The following UVRAG variants were observed in gnomAD, a reference collection of about 807,000 sequenced individuals.
The protein encoded by UVRAG is UV radiation resistance-associated gene protein.
UVRAG carries 19 observed loss-of-function variants against 78.0 expected under a neutral mutation model. That is an observed-to-expected ratio of 0.24 (90% CI 0.17 to 0.36). The LOEUF is 0.36. UVRAG is among the 10% of genes least tolerant of loss of function. UVRAG has a pLI of 1.00. For synonymous variants in UVRAG, 323 were observed against 324.6 expected (o/e 1.00, Z 0.05); for missense variants, 740 against 853.8 (o/e 0.87, Z 1.66).
chr11:75,912,150 T>G, intron 6 of UVRAG, 111 bp downstream of exon 6: 1 of 718,136 alleles, frequency 1.4e-6, no homozygotes, highest in Non-Finnish European at 2.4e-6. Flanking sequence ...TTATTCAAGC[T>G]TAGCATTTTT....
intron 1 of UVRAG, 73 bp from the exon 2 acceptor site, chr11:75,851,810 G>C: frequency 3.5e-6 from 4 of 1,153,550 alleles, no homozygotes; most frequent in Non-Finnish European, 5.1e-6. Context: ...TTTCATTTTT[G>C]AACTGCAACT....
chr11:75,865,398 A>G (rs914644043), intron 3 of UVRAG, among the ~76,000 whole-genome samples: 2 of 152,022 alleles, frequency 1.3e-5, no homozygotes, highest in Admixed American at 6.5e-5. Flanking sequence ...AATACTCCAG[A>G]TCACCTGTCC....
intron 6 of UVRAG, among the ~76,000 whole-genome samples, chr11:75,920,171 A>G (rs1947950186): frequency 6.6e-6 from 1 of 151,450 alleles, no homozygotes; most frequent in Non-Finnish European, 1.5e-5. Context: ...GACTACAGGC[A>G]CGTGCCACCA....
chr11:75,977,282 C>T (rs1455779341), intron 7 of UVRAG, among the ~76,000 whole-genome samples: 1 of 152,208 alleles, frequency 6.6e-6, no homozygotes, highest in African/African-American at 2.4e-5. Flanking sequence ...GAGGGCTTTA[C>T]TTCCAACTAT....
intron 3 of UVRAG, among the ~76,000 whole-genome samples, chr11:75,875,700 C>G (rs910985198): frequency 4.0e-5 from 6 of 150,882 alleles, no homozygotes; most frequent in Non-Finnish European, 7.4e-5. Context: ...CTCCTCTCAT[C>G]TGTCATGGCA....
chr11:75,820,851 A>T (rs58743594), intron 1 of UVRAG, among the ~76,000 whole-genome samples: 25,775 of 152,050 alleles, frequency 0.17, 3,138 homozygotes, highest in African/African-American at 0.34. Flanking sequence ...TGCTTGAGGC[A>T]GGAGGATTGA....
At chr11:75,887,507 G>T (rs956916521) in intron 4 of UVRAG, among the ~76,000 whole-genome samples, 5 of 147,920 alleles carry the variant, frequency 3.4e-5, no homozygotes, top group African/African-American at 1.3e-4. Context: ...GAGTGCAGTG[G>T]CACAATCTCG....
At chr11:76,119,667 C>T (rs896518881) in intron 14 of UVRAG, among the ~76,000 whole-genome samples, 2 of 152,210 alleles carry the variant, frequency 1.3e-5, no homozygotes, top group African/African-American at 4.8e-5. Flanking sequence ...TCAGCAAGCC[C>T]TGTCATCACT....
rs775295078 is a variant in UVRAG, at chr11:76,007,611, C to G, written c.989C>G (p.Pro330Arg). The change falls in exon 10 of 15, where the codon CCT becomes CGT. Residue 330 changes from proline (P) to arginine (R), a missense_variant. By Grantham distance (103) the Pro-to-Arg change is moderately radical (BLOSUM62 -2). Transcript: ENST00000356136. The stretch of plus-strand genomic sequence containing the variant: ...CTCTCTGAGCTTTCCTACATTTACC[C>G]TATTGATTTGGTAAGTTTCAAATTT... ...QLLSELSYIY[P>R]IDLNEHKDYF... 2 of 1,613,040 alleles carry G rather than the reference C, an allele frequency of 1.2e-6. No individual in the cohort carries two copies. Among genetic ancestry groups the G allele is most frequent in the Non-Finnish European group, 1.7e-6 (2 of 1,179,478 alleles).
chr11:75,827,292 T>C (rs1945535897), intron 1 of UVRAG, among the ~76,000 whole-genome samples: 1 of 151,986 alleles, frequency 6.6e-6, no homozygotes, highest in Admixed American at 6.6e-5. Context: ...TACAAGTAAT[T>C]CGTGTGTTCA....
chr11:76,108,354 G>A (rs1298085917), intron 13 of UVRAG, among the ~76,000 whole-genome samples: 1 of 152,168 alleles, frequency 6.6e-6, no homozygotes, highest in Non-Finnish European at 1.5e-5. Context: ...CAGCTCAATA[G>A]GAGGATGCTT....
chr11:76,085,063 CAAAAAAA>C (rs781218840), intron 13 of UVRAG, among the ~76,000 whole-genome samples: 14 of 49,614 alleles, frequency 2.8e-4, no homozygotes, highest in South Asian at 8.1e-4. Context: ...GACCCTGTCT[CAAAAAAA>C]AAAAAAAAAA....
At chr11:76,002,185 A>G (rs2135328329) in intron 8 of UVRAG, among the ~76,000 whole-genome samples, 1 of 152,230 alleles carries the variant, frequency 6.6e-6, no homozygotes, top group Middle Eastern at 3.4e-3. Context: ...ATTTAGGTTG[A>G]GTTTTCTGGA....
chr11:75,945,724 T>C (rs1948574771), intron 6 of UVRAG, among the ~76,000 whole-genome samples: 1 of 152,122 alleles, frequency 6.6e-6, no homozygotes, highest in Non-Finnish European at 1.5e-5. Flanking sequence ...TGCCATCCTC[T>C]CCCATATGAC....
chr11:76,105,046 A>AG (rs1348163808), intron 13 of UVRAG, among the ~76,000 whole-genome samples: 1 of 152,218 alleles, frequency 6.6e-6, no homozygotes, highest in Non-Finnish European at 1.5e-5. Context: ...TATCAATTAG[A>AG]GGGTTGCTAA....
chr11:76,139,054 A>G (rs974303485), intron 14 of UVRAG, among the ~76,000 whole-genome samples: 9 of 152,162 alleles, frequency 5.9e-5, no homozygotes, highest in African/African-American at 2.2e-4. Flanking sequence ...TTACTAGTCT[A>G]CTTGCCTAGT....
At chr11:75,931,483 T>G (rs568096819) in intron 6 of UVRAG, among the ~76,000 whole-genome samples, 1 of 152,292 alleles carries the variant, frequency 6.6e-6, no homozygotes, top group Admixed American at 6.5e-5. Context: ...CCAAACAAAC[T>G]TAGCCCCCAA....
At chr11:75,905,122 A>G (rs140651234) in intron 5 of UVRAG, among the ~76,000 whole-genome samples, 1 of 152,350 alleles carries the variant, frequency 6.6e-6, no homozygotes, top group Non-Finnish European at 1.5e-5. Context: ...AGAAAAGCTA[A>G]GTAGAACATC....
intron 14 of UVRAG, among the ~76,000 whole-genome samples, chr11:76,132,302 C>CT (rs200701454): frequency 7.4e-4 from 112 of 151,390 alleles, no homozygotes; most frequent in Middle Eastern, 3.4e-3. Flanking sequence ...GTTTAAAAGT[C>CT]TTTTTTTTTC....
Sources: gnomAD v4.1 joint callset for allele counts (sites outside exome capture counted in the v4.1 genomes callset) on GRCh38, gnomAD v4.1.1 for gene constraint, MANE v1.5 for transcripts, NCBI Gene and HGNC (gene_info 2026-07-23, HGNC 2026-07-21) for gene names.